Variants in SRRM4 observed in about 807,000 individuals in gnomAD.
SRRM4 encodes serine/arginine repetitive matrix protein 4.
Under a neutral mutation model 68.9 loss-of-function variants are expected in SRRM4, and 33 were observed. That is an observed-to-expected ratio of 0.48 (90% CI 0.36 to 0.64). SRRM4 has a LOEUF of 0.64. SRRM4 is among the 30% of genes least tolerant of loss of function. The pLI is 0.00. For missense variants in SRRM4, 817 were observed against 827.1 expected (o/e 0.99, Z 0.15); for synonymous variants, 318 against 318.8 (o/e 1.00, Z 0.03).
At chr12:119,146,330 T>C (rs1477122331) in intron 9 of SRRM4, among the ~76,000 whole-genome samples, 1 of 152,202 alleles carries the variant, frequency 6.6e-6, no homozygotes, top group African/African-American at 2.4e-5. Flanking sequence ...CTCACACCTG[T>C]AATCCCAGCA....
At chr12:118,985,247 G>A (rs1953274483) in intron 1 of SRRM4, among the ~76,000 whole-genome samples, 1 of 152,148 alleles carries the variant, frequency 6.6e-6, no homozygotes, top group African/African-American at 2.4e-5. Flanking sequence ...CTGAGAAGAG[G>A]CTAACTGCTT....
chr12:119,145,958 A>C (rs1261669827), intron 9 of SRRM4, among the ~76,000 whole-genome samples: 2 of 152,190 alleles, frequency 1.3e-5, no homozygotes. Flanking sequence ...ATTCTCAAGC[A>C]GATCCTCCCA....
At position 119,122,168 on chromosome 12, in the gene SRRM4, G is replaced by T. The variant is rs371475279; in HGVS notation, c.515+48G>T. 7 of 1,322,472 alleles carry T rather than the reference G, an allele frequency of 5.3e-6. No homozygotes were observed. In the African/African-American group the frequency reaches 1.0e-4, roughly 19 times the overall value. The allele number at this position is 1,322,472 out of a possible 1,614,324, so 81.9% of individuals were successfully genotyped here. ...GTACTCATCAGTTTGAGGAGTTGGG[G>T]CATCTGGCTTCTTAAAAGCCAGAGT... On this transcript the variant is annotated intron_variant, in intron 6 of 12. Transcript: ENST00000267260.
At position 119,160,267 on chromosome 12, in the gene SRRM4, CTCTCTCTCTGTCTCTCTCTCTG is replaced by C. The variant is rs1183918701; in HGVS notation, c.*3479_*3500del. 1 of 148,972 alleles carries C rather than the reference CTCTCTCTCTGTCTCTCTCTCTG, an allele frequency of 6.7e-6. No individual in the cohort carries two copies. The highest frequency in any genetic ancestry group is 2.0e-4 in the East Asian group (1 of 5,038). 9.2% of individuals were successfully genotyped at this position (148,972 alleles called of 1,614,324 possible). On this transcript the variant is annotated 3_prime_UTR_variant, in exon 13 of 13. Coordinates refer to ENST00000267260, the MANE Select transcript of SRRM4 (RefSeq NM_194286.4). ...AATCTCTGCCTCTCTCTCTCTCTGT[CTCTCTCTCTGTCTCTCTCTCTG>C]TCTCTCTCTCTCTCTCTCTCTCTCT... is the stretch of plus-strand genomic sequence containing the variant.
intron 6 of SRRM4, among the ~76,000 whole-genome samples, chr12:119,124,643 G>T (rs1475412656): frequency 6.6e-6 from 1 of 152,182 alleles, no homozygotes. Context: ...ACCACTGTTA[G>T]TGGTAGTGGT....
At position 119,114,660 on chromosome 12, in the gene SRRM4, CTT is replaced by C. The variant is rs68020424; in HGVS notation, c.365+317_365+318del. ...ATGACTAATTAATAGGAAGCATAGT[CTT>C]TTTTTTTTTTTTTTTTTTTTGAGAC... On this transcript the variant is annotated intron_variant, in intron 3 of 12. Transcript: ENST00000267260. Among the ~76,000 whole-genome samples, 736 of 101,332 alleles carry C rather than the reference CTT, an allele frequency of 7.3e-3. 1 individual carries two copies. Among genetic ancestry groups the C allele is most frequent in the Non-Finnish European group, 0.011 (544 of 50,716 alleles). The allele number at this position is 101,332 out of a possible 152,430, so 66.5% of individuals were successfully genotyped here. A position where few individuals can be genotyped will look rare whatever the true frequency, so the allele number is the denominator to read the frequency against.
intron 6 of SRRM4, among the ~76,000 whole-genome samples, chr12:119,122,789 G>A (rs941012752): frequency 6.6e-6 from 1 of 152,130 alleles, no homozygotes; most frequent in Non-Finnish European, 1.5e-5. Context: ...ACCTGTGCAT[G>A]GGTGGTCATG....
At chr12:119,109,296 T>C (rs2136045404) in intron 2 of SRRM4, among the ~76,000 whole-genome samples, 1 of 152,286 alleles carries the variant, frequency 6.6e-6, no homozygotes, top group Non-Finnish European at 1.5e-5. Context: ...GACAGTTATG[T>C]GTCTTGGAGT....
intron 4 of SRRM4, among the ~76,000 whole-genome samples, chr12:119,117,595 T>TACACACACACACAC (rs1555219566): frequency 3.5e-5 from 4 of 115,594 alleles, no homozygotes; most frequent in East Asian, 2.5e-4. Flanking sequence ...GTGTTCACTG[T>TACACACACACACAC]GCACACACAC....
intron 1 of SRRM4, among the ~76,000 whole-genome samples, chr12:119,067,691 T>C (rs1267427097): frequency 4.6e-5 from 7 of 151,698 alleles, no homozygotes; most frequent in African/African-American, 1.7e-4. Flanking sequence ...CTGGGTGACA[T>C]AACGAGATTT....
At chr12:119,003,208 G>C (rs1056905428) in intron 1 of SRRM4, among the ~76,000 whole-genome samples, 1 of 151,698 alleles carries the variant, frequency 6.6e-6, no homozygotes, top group Non-Finnish European at 1.5e-5. Flanking sequence ...ACCTATGTTC[G>C]AAGACCAGGG....
intron 1 of SRRM4, among the ~76,000 whole-genome samples, chr12:119,053,405 A>T (rs1953757018): frequency 6.6e-6 from 1 of 152,234 alleles, no homozygotes; most frequent in African/African-American, 2.4e-5. Context: ...AATCATTATT[A>T]GTCTTGTGTG....
chr12:119,095,358 G>C (rs191168692), intron 1 of SRRM4, among the ~76,000 whole-genome samples: 35 of 152,274 alleles, frequency 2.3e-4, no homozygotes, highest in African/African-American at 8.4e-4. Context: ...TGGGTGTCTG[G>C]CAAGTGTGGG....
At chr12:119,128,160 A>G (rs932532790) in intron 7 of SRRM4, among the ~76,000 whole-genome samples, 7 of 152,146 alleles carry the variant, frequency 4.6e-5, no homozygotes, top group East Asian at 1.9e-4. Context: ...TCACCATCCA[A>G]CAAGGCCACT....
chr12:119,149,245 G>A (rs2136067659), intron 9 of SRRM4, among the ~76,000 whole-genome samples: 1 of 152,312 alleles, frequency 6.6e-6, no homozygotes, highest in Non-Finnish European at 1.5e-5. Flanking sequence ...CCACTCGGGA[G>A]GCTGAGGCAG....
In SRRM4 at chr12:119,117,001, C is replaced by G. The variant is rs200163299; in HGVS notation, c.430C>G (p.Arg144Gly). 8.7e-6 allele frequency: 14 copies of G among 1,613,804 alleles called. No homozygotes were observed. The Admixed American group carries it at 2.0e-4, about 23-fold the overall frequency. The change falls in exon 4 of 13, where the codon CGA becomes GGA. Residue 144 changes from arginine (R) to glycine (G), a missense_variant. Coordinates refer to ENST00000267260, the MANE Select transcript of SRRM4 (RefSeq NM_194286.4). ...KKKKSSKKHK[R>G]RRSFSKKRRH... ...GAAGAAAAGTTCCAAGAAACACAAGCGACGCAGGTATTGTCCTTTTTCTCT... is the reference window on the plus strand; with the variant it reads ...GAAGAAAAGTTCCAAGAAACACAAGGGACGCAGGTATTGTCCTTTTTCTCT...
intron 5 of SRRM4, among the ~76,000 whole-genome samples, 167 bp from the exon 6 acceptor site, chr12:119,121,903 A>G (rs566997437): frequency 1.1e-4 from 17 of 152,278 alleles, no homozygotes; most frequent in Admixed American, 8.5e-4. Flanking sequence ...TCCCTAGCCG[A>G]ATTTGCTGCA....
At chr12:119,089,438 C>T (rs972958354) in intron 1 of SRRM4, among the ~76,000 whole-genome samples, 5 of 152,316 alleles carry the variant, frequency 3.3e-5, no homozygotes, top group South Asian at 2.1e-4. Flanking sequence ...GGAGGCATTT[C>T]CTACAGGTGG....
At chr12:119,095,568 C>A (rs1954038419) in intron 1 of SRRM4, among the ~76,000 whole-genome samples, 1 of 152,024 alleles carries the variant, frequency 6.6e-6, no homozygotes, top group Non-Finnish European at 1.5e-5. Flanking sequence ...TTAGTAAGTC[C>A]TCTATACACA....
Sources: allele counts gnomAD v4.1 joint callset (sites outside exome capture counted in the v4.1 genomes callset), GRCh38; gene constraint gnomAD v4.1.1; transcripts MANE v1.5; gene names NCBI Gene and HGNC (gene_info 2026-07-23, HGNC 2026-07-21).